Variants in ADAMTS17 observed in about 807,000 individuals in gnomAD.
ADAMTS17 encodes A disintegrin and metalloproteinase with thrombospondin motifs 17.
Under a neutral mutation model 141.5 loss-of-function variants are expected in ADAMTS17, and 113 were observed. That is an observed-to-expected ratio of 0.80 (90% CI 0.69 to 0.93). The LOEUF is 0.93. Among genes scored for constraint, ADAMTS17 ranks in the 40% least tolerant of loss-of-function variants. The probability of loss-of-function intolerance (pLI) is 0.00; values close to 1 mark genes in which losing one functional copy is unlikely to be tolerated. For synonymous variants in ADAMTS17, 768 were observed against 630.6 expected, an observed-to-expected ratio of 1.22 and a Z score of -3.27; for missense variants, 1,659 against 1,517.9, an observed-to-expected ratio of 1.09 and a Z score of -1.54.
chr15:99,993,339 C>A lies in ADAMTS17; in HGVS notation c.2797-139G>T. On this transcript the variant is annotated intron_variant, in intron 19 of 21. Transcript: ENST00000268070. This position sits in a 1 kb window ranked among gnomAD's most constrained non-coding sequence, Gnocchi z 4.3. ...AACCCACACTTCTGTCCTCAAAAAG[C>A]TCCTGGTCTGCAGGGTCTTACGCAC... 1 of 1,313,338 alleles carries A rather than the reference C, an allele frequency of 7.6e-7. No homozygotes were observed. The highest frequency in any genetic ancestry group is 2.3e-5 in the East Asian group (1 of 42,910). 81.4% of individuals were successfully genotyped at this position (1,313,338 alleles called of 1,614,324 possible).
At chr15:100,112,981 G>A (rs143476881) in intron 13 of ADAMTS17, among the ~76,000 whole-genome samples, 12 of 152,276 alleles carry the variant, frequency 7.9e-5, no homozygotes, top group Admixed American at 2.0e-4. Context: ...TCTTAGTATG[G>A]TGGGGACATT....
At chr15:100,175,486 A>C (rs2040306866) in intron 8 of ADAMTS17, among the ~76,000 whole-genome samples, 1 of 152,130 alleles carries the variant, frequency 6.6e-6, no homozygotes, top group African/African-American at 2.4e-5. Context: ...AGAGAATCCT[A>C]ATTCTTTAGG....
At chr15:99,983,671 C>T (rs960838051) in intron 20 of ADAMTS17, among the ~76,000 whole-genome samples, 15 of 152,218 alleles carry the variant, frequency 9.9e-5, no homozygotes, top group African/African-American at 3.1e-4. Context: ...GGCTGCCCCC[C>T]ACTGTCTCCC....
chr15:100,216,191 GAAT>G (rs1046912468), intron 7 of ADAMTS17, among the ~76,000 whole-genome samples: 50 of 152,172 alleles, frequency 3.3e-4, no homozygotes, highest in Non-Finnish European at 6.8e-4. Context: ...AGGATTAAAT[GAAT>G]AATGAGAGAA....
intron 3 of ADAMTS17, among the ~76,000 whole-genome samples, chr15:100,289,523 C>T (rs1380415728): frequency 7.0e-6 from 1 of 143,126 alleles, no homozygotes; most frequent in Admixed American, 7.1e-5. Context: ...ACCTTGCAGA[C>T]ACACACATAC....
rs1054393704 is a variant in ADAMTS17 at position 99,973,296 on chromosome 15, A to C, written c.*1106T>G. The stretch of plus-strand genomic sequence containing the variant: ...CGGCGGGTGTGCAGCAGTGCCAGCC[A>C]GATGGCGTTCCTCCCCTGGTCCTGG... On this transcript the variant is annotated 3_prime_UTR_variant, in exon 22 of 22. Transcript: ENST00000268070. The C allele has an allele frequency of 6.6e-6, 1 of 152,312 alleles. No individual in the cohort carries two copies. The highest frequency in any genetic ancestry group is 6.5e-5 in the Admixed American group (1 of 15,284). 9.4% of individuals were successfully genotyped at this position (152,312 alleles called of 1,614,324 possible). A position where few individuals can be genotyped will look rare whatever the true frequency, so the allele number is the denominator to read the frequency against.
rs886050980 is a variant in ADAMTS17 at position 100,341,256 on chromosome 15, T to C, written c.233A>G (p.Glu78Gly). The change falls in exon 2 of 22, where the codon GAG becomes GGG. Residue 78 changes from glutamate to glycine, a missense_variant. Transcript: ENST00000268070. ...CGGCAGGTGCAGCAGCAGGGCGCGCTCTCCGGGCCGGGCGCGCGGGGCGGC... is the reference window on the plus strand; with the variant it reads ...CGGCAGGTGCAGCAGCAGGGCGCGCCCTCCGGGCCGGGCGCGCGGGGCGGC... The part of the protein sequence containing the change: ...PPAAPRARPG[E>G]RALLLHLPAF... The C allele has an allele frequency of 1.7e-5, 23 of 1,316,254 alleles. No homozygotes were observed. The highest frequency in any genetic ancestry group is 1.4e-4 in the East Asian group (4 of 28,842). The allele number at this position is 1,316,254 out of a possible 1,614,324, so 81.5% of individuals were successfully genotyped here.
intron 10 of ADAMTS17, among the ~76,000 whole-genome samples, chr15:100,147,831 T>A (rs1187544325): frequency 6.6e-6 from 1 of 152,240 alleles, no homozygotes; most frequent in African/African-American, 2.4e-5. Context: ...ACTTAGTGGC[T>A]TAAAACAACA....
At chr15:100,314,626 T>C (rs553415397) in intron 3 of ADAMTS17, among the ~76,000 whole-genome samples, 9 of 152,324 alleles carry the variant, frequency 5.9e-5, no homozygotes, top group African/African-American at 2.2e-4. Context: ...TGGGAGAATA[T>C]TGTACAAGTA....
chr15:100,169,548 G>A (rs554966681), intron 8 of ADAMTS17, among the ~76,000 whole-genome samples: 3 of 152,200 alleles, frequency 2.0e-5, no homozygotes, highest in Non-Finnish European at 4.4e-5. Flanking sequence ...GCTTGCCTGA[G>A]GTAACTGGCC....
At chr15:100,051,446 T>G in intron 17 of ADAMTS17, 126 bp downstream of exon 17, 1 of 1,360,516 alleles carries the variant, frequency 7.4e-7, no homozygotes, top group Non-Finnish European at 1.0e-6. Flanking sequence ...TTCGGTGGGA[T>G]ATGGTTAAAT....
intron 8 of ADAMTS17, among the ~76,000 whole-genome samples, chr15:100,181,739 G>C (rs141189223): frequency 3.9e-5 from 6 of 152,256 alleles, no homozygotes; most frequent in African/African-American, 1.4e-4. Context: ...TGAAGGAGGA[G>C]GAAGGAGTTA....
At position 100,051,679 on chromosome 15, in the gene ADAMTS17, G is replaced by C. The variant is rs144007074; in HGVS notation, c.2348C>G (p.Pro783Arg). ...DYGIHYEYTVPVNRTAENQSE... is the reference protein window; with the variant it reads ...DYGIHYEYTVRVNRTAENQSE... ...TTGATTTTCCGCAGTGCGGTTTACA[G>C]GAACAGTGTATTCATAATGAATTCC... Residue 783 changes from proline to arginine, a missense_variant, in exon 17 of 22, where the codon CCT becomes CGT. Pro to Arg is a moderately radical substitution (Grantham distance 103). Transcript: ENST00000268070. The C allele has an allele frequency of 2.5e-6, 4 of 1,614,062 alleles. No individual in the cohort carries two copies. In the African/African-American group the frequency reaches 5.3e-5, roughly 22 times the overall value.
chr15:100,254,066 G>T lies in ADAMTS17; in HGVS notation c.1075+70C>A. The T allele has an allele frequency of 2.0e-6, 3 of 1,475,706 alleles. No individual in the cohort carries two copies. The South Asian group carries it at 3.4e-5, about 17-fold the overall frequency. 91.4% of individuals were successfully genotyped at this position (1,475,706 alleles called of 1,614,324 possible). On this transcript the variant is annotated intron_variant, in intron 7 of 21. Transcript: ENST00000268070. ...TGTTTGAGGACAGCTCCTCCACTGT[G>T]ACCAGGAAGTCTCCAGATTCTCCCA...
chr15:100,274,290 T>C (rs2044008188), intron 4 of ADAMTS17, among the ~76,000 whole-genome samples: 1 of 152,254 alleles, frequency 6.6e-6, no homozygotes, highest in Non-Finnish European at 1.5e-5. Flanking sequence ...CAACTATTAT[T>C]GTACAACTGT....
intron 20 of ADAMTS17, among the ~76,000 whole-genome samples, chr15:99,989,282 C>T (rs913977770): frequency 6.6e-6 from 1 of 152,188 alleles, no homozygotes; most frequent in African/African-American, 2.4e-5. Flanking sequence ...GTGCTAGGTG[C>T]CCCGACCCCA....
rs7180801 is a variant in ADAMTS17 at position 100,115,183 on chromosome 15, G to A, written c.1888+1664C>T. Among the ~76,000 whole-genome samples, 1,090 of 152,302 alleles carry A rather than the reference G, an allele frequency of 7.2e-3. 22 individuals are homozygous for A. The highest frequency in any genetic ancestry group is 0.025 in the African/African-American group (1,045 of 41,568). On this transcript the variant is annotated intron_variant, in intron 13 of 21. Coordinates refer to ENST00000268070, the MANE Select transcript of ADAMTS17 (RefSeq NM_139057.4). ...ATGAGAACCAAATGGCAGCTCTCTC[G>A]CTTCCAATTAGGGGTCTGCGTGTGC... is the stretch of plus-strand genomic sequence containing the variant.
chr15:100,105,673 G>GAGCT (rs1291166168), intron 14 of ADAMTS17, among the ~76,000 whole-genome samples: 1 of 152,124 alleles, frequency 6.6e-6, no homozygotes, highest in Non-Finnish European at 1.5e-5. Context: ...AGAGGCTAGA[G>GAGCT]AGCTAGCTAG....
intron 10 of ADAMTS17, among the ~76,000 whole-genome samples, chr15:100,138,695 A>C (rs568049411): frequency 2.0e-5 from 3 of 152,212 alleles, no homozygotes; most frequent in Non-Finnish European, 4.4e-5. Flanking sequence ...GAGAGAATAG[A>C]AAGAGTTGGG....
Sources: allele counts gnomAD v4.1 joint callset (sites outside exome capture counted in the v4.1 genomes callset), GRCh38; gene constraint gnomAD v4.1.1; non-coding constraint Gnocchi (gnomAD v3.1); transcripts MANE v1.5; gene names NCBI Gene and HGNC (gene_info 2026-07-23, HGNC 2026-07-21).